The following CCSER1 variants were observed in gnomAD, a reference collection of about 807,000 sequenced individuals.
CCSER1 encodes the protein coiled-coil serine rich protein 1.
A neutral mutation model predicts 82.0 loss-of-function variants in CCSER1; 41 were observed. That is an observed-to-expected ratio of 0.50 (90% CI 0.39 to 0.65). The LOEUF is 0.65. CCSER1 is among the 30% of genes least tolerant of loss of function. The probability of loss-of-function intolerance (pLI) is 0.00; values close to 1 mark genes in which losing one functional copy is unlikely to be tolerated. For missense variants in CCSER1, 1,119 were observed against 1,064.2 expected, an observed-to-expected ratio of 1.05 and a Z score of -0.72; for synonymous variants, 414 against 383.9, an observed-to-expected ratio of 1.08 and a Z score of -0.92.
intron 8 of CCSER1, among the ~76,000 whole-genome samples, chr4:90,880,182 C>G (rs1721083249): frequency 6.6e-6 from 1 of 152,110 alleles, no homozygotes; most frequent in Non-Finnish European, 1.5e-5. Flanking sequence ...TAGAAGGTGG[C>G]TTGGCACTCC....
intron 10 of CCSER1, among the ~76,000 whole-genome samples, chr4:91,389,465 T>A (rs942578452): frequency 6.6e-6 from 1 of 152,058 alleles, no homozygotes; most frequent in East Asian, 1.9e-4. Flanking sequence ...TCAATCATTG[T>A]CTCTGATTAC....
chr4:90,943,353 A>G (rs571554757), intron 9 of CCSER1, among the ~76,000 whole-genome samples: 14 of 152,138 alleles, frequency 9.2e-5, no homozygotes, highest in Non-Finnish European at 1.8e-4. Context: ...ATAGAACGTT[A>G]TTTTGTGAGT....
chr4:90,700,987 G>A (rs1435889874), intron 6 of CCSER1, among the ~76,000 whole-genome samples: 23 of 151,950 alleles, frequency 1.5e-4, no homozygotes, highest in African/African-American at 2.7e-4. Context: ...CTTTAGTTTA[G>A]TTAGATCCCA....
chr4:91,036,610 A>G (rs2870282), intron 9 of CCSER1, among the ~76,000 whole-genome samples: 62,954 of 151,944 alleles, frequency 0.41, 13,444 homozygotes, highest in East Asian at 0.64. Context: ...TTTATTTCCC[A>G]AACTGTGAAA....
At chr4:91,009,630 T>C (rs965739156) in intron 9 of CCSER1, among the ~76,000 whole-genome samples, 1 of 152,186 alleles carries the variant, frequency 6.6e-6, no homozygotes, top group African/African-American at 2.4e-5. Flanking sequence ...TATGTAGTGC[T>C]AAGCTTTGAT....
chr4:90,552,700 A>G (rs888201786), intron 5 of CCSER1, among the ~76,000 whole-genome samples: 1 of 151,852 alleles, frequency 6.6e-6, no homozygotes, highest in Non-Finnish European at 1.5e-5. Flanking sequence ...CAAACAATCC[A>G]CCCAATTCAG....
At position 91,363,129 on chromosome 4, in the gene CCSER1, C is replaced by CA. The variant is rs562229512; in HGVS notation, c.2218-235437dup. Among the ~76,000 whole-genome samples the CA allele has an allele frequency of 1.8e-3, 269 of 151,212 alleles. 7 individuals are homozygous for CA. In the East Asian group the frequency reaches 0.032, roughly 18 times the overall value. On this transcript the variant is annotated intron_variant, in intron 10 of 10. Transcript: ENST00000509176. ...ATTCGTGAGTCATTTCCTCAAAAAA[C>CA]AAAAAACAAAAACAAAACAAACAAA...
At position 91,603,503 on chromosome 4, in the gene CCSER1, TAA is replaced by T; in HGVS notation, c.*4449_*4450del. 6.6e-6 allele frequency: 1 copy of T among 152,080 alleles called. No individual in the cohort carries two copies. Among genetic ancestry groups the T allele is most frequent in the Non-Finnish European group, 1.5e-5 (1 of 67,990 alleles). The allele number at this position is 152,080 out of a possible 1,614,324, so 9.4% of individuals were successfully genotyped here. On this transcript the variant is annotated 3_prime_UTR_variant, in exon 11 of 11. Transcript: ENST00000509176. ...TTTCCTACAAATAGTTAAGGTGAAA[TAA>T]AATCATTAATAGAGAGTAGGTTCCT...
intron 10 of CCSER1, among the ~76,000 whole-genome samples, chr4:91,426,079 C>G (rs999424497): frequency 1.1e-4 from 16 of 152,104 alleles, no homozygotes; most frequent in African/African-American, 3.9e-4. Flanking sequence ...TGATGTTCCC[C>G]TTCCTATGTC....
intron 10 of CCSER1, among the ~76,000 whole-genome samples, chr4:91,403,169 A>T (rs928804777): frequency 1.3e-5 from 2 of 152,126 alleles, no homozygotes; most frequent in Non-Finnish European, 2.9e-5. Flanking sequence ...TGTGAATGGG[A>T]GTTCACTCAT....
chr4:90,733,673 T>C (rs1745147875), intron 7 of CCSER1, among the ~76,000 whole-genome samples: 1 of 152,196 alleles, frequency 6.6e-6, no homozygotes, highest in Non-Finnish European at 1.5e-5. Context: ...TATTTAAGTC[T>C]CTAATCCATT....
intron 10 of CCSER1, among the ~76,000 whole-genome samples, chr4:91,401,564 A>G (rs553808524): frequency 2.0e-5 from 3 of 151,956 alleles, no homozygotes; most frequent in African/African-American, 7.2e-5. Flanking sequence ...CAACCCCATG[A>G]CAGACCCTGG....
intron 8 of CCSER1, among the ~76,000 whole-genome samples, chr4:90,893,851 A>G (rs775821022): frequency 3.3e-5 from 5 of 151,808 alleles, no homozygotes; most frequent in Non-Finnish European, 7.4e-5. Context: ...ATTTCTATTT[A>G]GCAGTCTATA....
chr4:91,556,511 A>G (rs2110239302), intron 10 of CCSER1, among the ~76,000 whole-genome samples: 1 of 151,212 alleles, frequency 6.6e-6, no homozygotes, highest in East Asian at 1.9e-4. Context: ...CATTGTGCAT[A>G]TGTACTCTAA....
At chr4:91,426,353 C>G (rs1753971922) in intron 10 of CCSER1, among the ~76,000 whole-genome samples, 1 of 152,166 alleles carries the variant, frequency 6.6e-6, no homozygotes, top group African/African-American at 2.4e-5. Flanking sequence ...AACATACGTG[C>G]ACATATGTCT....
rs1425203589 is a variant in CCSER1 at position 91,176,873 on chromosome 4, A to G, written c.2217+90879A>G. Among the ~76,000 whole-genome samples, 7 of 152,190 alleles carry G rather than the reference A, an allele frequency of 4.6e-5. No homozygotes were observed. The South Asian group carries it at 8.3e-4, about 18-fold the overall frequency. On this transcript the variant is annotated intron_variant, in intron 10 of 10. Coordinates refer to ENST00000509176, the MANE Select transcript of CCSER1 (RefSeq NM_001145065.2). ...AACACTATGTTGAATAGAAGTGGTG[A>G]GAGAGGGCATCCCGGTCTTGTGCCA...
chr4:91,329,436 AATATT>A (rs1271707713), intron 10 of CCSER1, among the ~76,000 whole-genome samples: 1 of 152,212 alleles, frequency 6.6e-6, no homozygotes, highest in Non-Finnish European at 1.5e-5. Flanking sequence ...ATGCTGTTAA[AATATT>A]ATCATTAAGT....
At chr4:90,156,058 T>G (rs1217589928) in intron 1 of CCSER1, among the ~76,000 whole-genome samples, 9 of 152,210 alleles carry the variant, frequency 5.9e-5, no homozygotes, top group Non-Finnish European at 2.9e-5. Flanking sequence ...GTCCCAGAGA[T>G]TCTGGTGTGT....
At chr4:90,806,539 T>C (rs1472723576) in intron 7 of CCSER1, among the ~76,000 whole-genome samples, 1 of 152,158 alleles carries the variant, frequency 6.6e-6, no homozygotes, top group East Asian at 1.9e-4. Context: ...TCAGATCCCA[T>C]CTCAATAAAG....
Sources: allele counts gnomAD v4.1 joint callset (sites outside exome capture counted in the v4.1 genomes callset), GRCh38; gene constraint gnomAD v4.1.1; transcripts MANE v1.5; gene names NCBI Gene and HGNC (gene_info 2026-07-23, HGNC 2026-07-21).